The following GPR158 variants were observed in gnomAD, a reference collection of about 807,000 sequenced individuals.
GPR158 encodes G protein-coupled receptor 158, also known as metabotropic glycine receptor.
A neutral mutation model predicts 78.2 loss-of-function variants in GPR158; 30 were observed. The ratio of observed to expected loss-of-function variants is 0.38; its 90% CI spans 0.29 to 0.52. GPR158 has a LOEUF of 0.52. GPR158 is among the 20% of genes least tolerant of loss of function. GPR158 has a pLI of 0.83. For missense variants in GPR158, 1,463 were observed against 1,523.5 expected, an observed-to-expected ratio of 0.96 and a Z score of 0.66; for synonymous variants, 581 against 591.1, an observed-to-expected ratio of 0.98 and a Z score of 0.25.
chr10:25,570,199 G>C (rs192252861), intron 6 of GPR158, among the ~76,000 whole-genome samples: 7 of 152,268 alleles, frequency 4.6e-5, no homozygotes, highest in African/African-American at 1.7e-4. Context: ...TTCTAAGGTA[G>C]AATTCTTGAA....
chr10:25,298,169 C>T (rs891890317), intron 2 of GPR158, among the ~76,000 whole-genome samples: 2 of 152,122 alleles, frequency 1.3e-5, no homozygotes, highest in South Asian at 2.1e-4. Context: ...AATTACTAAG[C>T]TGTGTTGTAA....
At chr10:25,588,943 T>G in intron 7 of GPR158, 64 bp from the exon 8 acceptor site, 2 of 1,198,142 alleles carry the variant, frequency 1.7e-6, no homozygotes, top group Non-Finnish European at 2.3e-6. Flanking sequence ...ACAAAATGCA[T>G]GCTAAAGAAG....
At chr10:25,256,217 A>G (rs1279228589) in intron 2 of GPR158, among the ~76,000 whole-genome samples, 1 of 152,278 alleles carries the variant, frequency 6.6e-6, no homozygotes, top group East Asian at 1.9e-4. Flanking sequence ...TAAACACCAA[A>G]CAGCGTTTAA....
At position 25,585,858 on chromosome 10, in the gene GPR158, A is replaced by G. The variant is rs187069959; in HGVS notation, c.1754-3149A>G. On this transcript the variant is annotated intron_variant, in intron 7 of 10. Transcript: ENST00000376351. ...ACCAGGCATGGTGGCTCATGCCTGT[A>G]ATCTCTGCTGCTCAGATGGCTGAGG... Among the ~76,000 whole-genome samples, 310 of 152,288 alleles carry G rather than the reference A, an allele frequency of 2.0e-3. 9 individuals are homozygous for G. The highest frequency in any genetic ancestry group is 0.019 in the Admixed American group (285 of 15,292).
chr10:25,514,629 A>C (rs1391304108), intron 5 of GPR158, among the ~76,000 whole-genome samples: 1 of 152,092 alleles, frequency 6.6e-6, no homozygotes, highest in African/African-American at 2.4e-5. Flanking sequence ...TTTATGCTTT[A>C]AGGAGGTTTT....
intron 4 of GPR158, among the ~76,000 whole-genome samples, chr10:25,422,604 A>G (rs931394832): frequency 7.5e-6 from 1 of 133,166 alleles, no homozygotes; most frequent in Non-Finnish European, 1.6e-5. Flanking sequence ...ACTATCATCT[A>G]TTGTTCTCTT....
chr10:25,317,426 C>T (rs1049268568), intron 2 of GPR158, among the ~76,000 whole-genome samples: 1 of 151,918 alleles, frequency 6.6e-6, no homozygotes, highest in African/African-American at 2.4e-5. Context: ...CATATCCATT[C>T]TTCCTTGGGC....
At chr10:25,202,435 G>A (rs1055015236) in intron 1 of GPR158, among the ~76,000 whole-genome samples, 1 of 152,076 alleles carries the variant, frequency 6.6e-6, no homozygotes, top group African/African-American at 2.4e-5. Context: ...CCTGGTGTGT[G>A]ATGTTCCCCT....
At chr10:25,186,538 G>T (rs1271998718) in intron 1 of GPR158, among the ~76,000 whole-genome samples, 1 of 151,996 alleles carries the variant, frequency 6.6e-6, no homozygotes, top group African/African-American at 2.4e-5. Context: ...TGATAAAGGG[G>T]TTATCACCAC....
rs12762880 is a variant in GPR158 at position 25,598,007 on chromosome 10, A to T, written c.2381A>T (p.Glu794Val). 6.2e-7 allele frequency: 1 copy of T among 1,614,148 alleles called. No individual in the cohort carries two copies. The highest frequency in any genetic ancestry group is 8.5e-7 in the Non-Finnish European group (1 of 1,180,016). ...GTALIRKNPP[E>V]SSGNTGKSKE... ...GCCCTCATCAGGAAGAACCCCCCAG[A>T]GTCTTCAGGGAACACAGGGAAATCC... Residue 794 changes from glutamate (E) to valine (V), a missense_variant, in exon 11 of 11, where the codon GAG becomes GTG. Physicochemically the swap from Glu to Val is moderately radical, Grantham distance 121. Coordinates refer to ENST00000376351, the MANE Select transcript of GPR158 (RefSeq NM_020752.3).
intron 5 of GPR158, among the ~76,000 whole-genome samples, chr10:25,492,604 C>T (rs530111739): frequency 6.6e-6 from 1 of 152,142 alleles, no homozygotes; most frequent in African/African-American, 2.4e-5. Flanking sequence ...TGGATCAAAA[C>T]ATTACAGAAT....
At chr10:25,480,277 GTGGTTCTC>G (rs1290514966) in intron 5 of GPR158, among the ~76,000 whole-genome samples, 6 of 152,064 alleles carry the variant, frequency 3.9e-5, no homozygotes, top group Non-Finnish European at 7.4e-5. Context: ...GTCTGCCATG[GTGGTTCTC>G]TGATTTTTAT....
At chr10:25,380,959 T>G (rs916024847) in intron 2 of GPR158, among the ~76,000 whole-genome samples, 1 of 152,208 alleles carries the variant, frequency 6.6e-6, no homozygotes, top group Admixed American at 6.5e-5. Context: ...TTAGCAAGTA[T>G]GCAGATAACC....
intron 2 of GPR158, among the ~76,000 whole-genome samples, chr10:25,319,824 C>CA (rs1321224122): frequency 7.3e-6 from 1 of 136,340 alleles, no homozygotes; most frequent in Non-Finnish European, 1.5e-5. Flanking sequence ...AACACCCCAC[C>CA]CCCCCCAAAA....
intron 1 of GPR158, among the ~76,000 whole-genome samples, chr10:25,179,670 A>G (rs1852589926): frequency 6.6e-6 from 1 of 152,130 alleles, no homozygotes; most frequent in African/African-American, 2.4e-5. Context: ...AGCATAATAC[A>G]CATATGGGAA....
chr10:25,399,337 C>G (rs1481219428), intron 3 of GPR158, among the ~76,000 whole-genome samples: 1 of 152,198 alleles, frequency 6.6e-6, no homozygotes, highest in African/African-American at 2.4e-5. Flanking sequence ...CAAACCATAT[C>G]AGTGAGACAG....
chr10:25,414,709 C>G (rs958269391), intron 4 of GPR158, among the ~76,000 whole-genome samples: 1 of 152,070 alleles, frequency 6.6e-6, no homozygotes, highest in Middle Eastern at 3.2e-3. Context: ...AAAGAAGAAA[C>G]TTGATGATCT....
At chr10:25,282,271 A>G (rs1446953136) in intron 2 of GPR158, among the ~76,000 whole-genome samples, 1 of 152,138 alleles carries the variant, frequency 6.6e-6, no homozygotes, top group African/African-American at 2.4e-5. Context: ...ATCATAATCC[A>G]TGAGATATTC....
chr10:25,549,894 C>T (rs371368395), intron 5 of GPR158, among the ~76,000 whole-genome samples: 29 of 152,162 alleles, frequency 1.9e-4, no homozygotes, highest in East Asian at 1.3e-3. Context: ...CAAAATCATA[C>T]TCAGGGTTTT....
Sources: allele counts gnomAD v4.1 joint callset (sites outside exome capture counted in the v4.1 genomes callset), GRCh38; gene constraint gnomAD v4.1.1; transcripts MANE v1.5; gene names NCBI Gene and HGNC (gene_info 2026-07-23, HGNC 2026-07-21).